DLG2: variants seen among roughly 807,000 people sequenced by gnomAD.
DLG2 encodes discs large MAGUK scaffold protein 2.
Under a neutral mutation model 132.5 loss-of-function variants are expected in DLG2, and 45 were observed. The ratio of observed to expected loss-of-function variants is 0.34; its 90% CI spans 0.27 to 0.44. The LOEUF (loss-of-function observed/expected upper bound fraction) is 0.44. Ranked by LOEUF, DLG2 falls within the 20% of genes least tolerant of loss-of-function variation. DLG2 has a pLI of 1.00. For synonymous variants in DLG2, 424 were observed against 419.6 expected (o/e 1.01, Z -0.13); for missense variants, 1,045 against 1,196.9 (o/e 0.87, Z 1.87).
At chr11:84,575,593 TA>T (rs2099497786) in intron 6 of DLG2, among the ~76,000 whole-genome samples, 1 of 152,218 alleles carries the variant, frequency 6.6e-6, no homozygotes, top group Admixed American at 6.5e-5. Context: ...GTACATGTGA[TA>T]TTTTTGATAC....
chr11:84,105,637 A>G (rs945654865), intron 9 of DLG2, among the ~76,000 whole-genome samples: 1 of 152,180 alleles, frequency 6.6e-6, no homozygotes, highest in Admixed American at 6.5e-5. Flanking sequence ...AAACTTAGCT[A>G]GAAGTACTAA....
At chr11:85,155,314 G>A (rs149313552) in intron 4 of DLG2, among the ~76,000 whole-genome samples, 1 of 152,324 alleles carries the variant, frequency 6.6e-6, no homozygotes, top group Admixed American at 6.5e-5. Flanking sequence ...GTTGTTGCAA[G>A]TAATTAGTCT....
intron 7 of DLG2, among the ~76,000 whole-genome samples, chr11:84,423,029 G>A (rs902694771): frequency 3.9e-5 from 6 of 152,128 alleles, no homozygotes; most frequent in African/African-American, 1.4e-4. Flanking sequence ...CAGAATAACT[G>A]TAAAGGGTAG....
At chr11:85,199,160 C>T (rs1463635895) in intron 4 of DLG2, among the ~76,000 whole-genome samples, 2 of 152,120 alleles carry the variant, frequency 1.3e-5, no homozygotes, top group African/African-American at 4.8e-5. Flanking sequence ...CAGTGAATAA[C>T]TCTTCAATAG....
intron 9 of DLG2, among the ~76,000 whole-genome samples, chr11:84,120,103 G>A (rs1480785905): frequency 1.3e-5 from 2 of 152,112 alleles, no homozygotes; most frequent in African/African-American, 4.8e-5. Context: ...CTTTCAGTGA[G>A]GTGGATATTC....
intron 4 of DLG2, among the ~76,000 whole-genome samples, chr11:85,235,440 C>T (rs563205981): frequency 6.6e-6 from 1 of 152,034 alleles, no homozygotes; most frequent in African/African-American, 2.4e-5. Flanking sequence ...TTCAACAACT[C>T]TTTAGAGTCA....
intron 17 of DLG2, chr11:83,815,083 C>T (rs74883799): frequency 0.028 from 4,293 of 153,402 alleles, 89 homozygotes; most frequent in Middle Eastern, 0.08. Flanking sequence ...TAATATTAGA[C>T]ATCATTAATT....
At chr11:84,994,404 A>G (rs768264842) in intron 6 of DLG2, among the ~76,000 whole-genome samples, 17 of 152,186 alleles carry the variant, frequency 1.1e-4, no homozygotes, top group Non-Finnish European at 2.2e-4. Context: ...CACCACATCT[A>G]AATACACTGC....
At chr11:84,352,000 T>C (rs1233173002) in intron 7 of DLG2, among the ~76,000 whole-genome samples, 1 of 152,206 alleles carries the variant, frequency 6.6e-6, no homozygotes, top group Non-Finnish European at 1.5e-5. Flanking sequence ...GTAAATAGTA[T>C]CCATCTTTGT....
At chr11:85,177,296 C>T (rs2079352505) in intron 4 of DLG2, among the ~76,000 whole-genome samples, 2 of 148,072 alleles carry the variant, frequency 1.4e-5, no homozygotes, top group Admixed American at 6.8e-5. Context: ...TACACACACA[C>T]ACACACACAC....
chr11:85,459,670 C>G (rs990180995), intron 3 of DLG2, among the ~76,000 whole-genome samples: 24 of 152,024 alleles, frequency 1.6e-4, no homozygotes, highest in African/African-American at 5.8e-4. Context: ...CTGGAGATGC[C>G]CATGTAGTGA....
intron 21 of DLG2, among the ~76,000 whole-genome samples, chr11:83,503,420 T>TATAGATATAGATAG (rs2094546871): frequency 3.8e-5 from 3 of 78,388 alleles, no homozygotes; most frequent in Non-Finnish European, 5.5e-5. Flanking sequence ...TATATATATA[T>TATAGATATAGATAG]ATAGATAGAT....
chr11:83,976,758 C>T (rs796961561), intron 12 of DLG2, among the ~76,000 whole-genome samples: 17 of 151,988 alleles, frequency 1.1e-4, no homozygotes, highest in African/African-American at 4.1e-4. Context: ...AAAAACTATG[C>T]TTTAAAACTC....
intron 6 of DLG2, among the ~76,000 whole-genome samples, chr11:84,889,803 C>CT (rs1266616815): frequency 1.3e-5 from 2 of 152,268 alleles, no homozygotes; most frequent in Non-Finnish European, 2.9e-5. Flanking sequence ...CATCTATCTC[C>CT]TTTGTTTTGA....
chr11:85,379,050 T>C (rs2085659994), intron 3 of DLG2, among the ~76,000 whole-genome samples: 1 of 152,176 alleles, frequency 6.6e-6, no homozygotes, highest in Non-Finnish European at 1.5e-5. Context: ...CAGAATTCAA[T>C]ATTTGTGAGC....
intron 14 of DLG2, among the ~76,000 whole-genome samples, chr11:83,960,588 T>C (rs1207277513): frequency 5.3e-5 from 8 of 151,850 alleles, no homozygotes; most frequent in Admixed American, 5.3e-4. Flanking sequence ...ATGGAGGGGG[T>C]TCTGCATAAA....
chr11:84,787,337 T>C (rs1007884163), intron 6 of DLG2, among the ~76,000 whole-genome samples: 9 of 152,192 alleles, frequency 5.9e-5, no homozygotes, highest in African/African-American at 2.2e-4. Context: ...TTTTAACTCA[T>C]GTCCTACTCT....
chr11:83,603,670 T>G (rs2058905156), intron 19 of DLG2, among the ~76,000 whole-genome samples: 1 of 152,220 alleles, frequency 6.6e-6, no homozygotes, highest in Non-Finnish European at 1.5e-5. Flanking sequence ...TTCATAATTT[T>G]TATCAGTTTA....
intron 6 of DLG2, among the ~76,000 whole-genome samples, chr11:84,788,203 A>C (rs2073250323): frequency 6.6e-6 from 1 of 152,034 alleles, no homozygotes; most frequent in Non-Finnish European, 1.5e-5. Context: ...AAAAACAAAA[A>C]TAGTAAAACA....
Sources: gnomAD v4.1 joint callset for allele counts (sites outside exome capture counted in the v4.1 genomes callset) on GRCh38, gnomAD v4.1.1 for gene constraint, MANE v1.5 for transcripts, NCBI Gene and HGNC (gene_info 2026-07-23, HGNC 2026-07-21) for gene names.